BOC: variants seen among roughly 807,000 people sequenced by gnomAD.
BOC encodes the protein BOC cell adhesion associated, oncogene regulated.
BOC carries 76 observed loss-of-function variants against 112.0 expected under a neutral mutation model. The observed-to-expected ratio is 0.68, with a 90% CI of 0.56 to 0.82. The LOEUF (loss-of-function observed/expected upper bound fraction) is 0.82. BOC is among the 40% of genes least tolerant of loss of function. The pLI is 0.00. For missense variants in BOC, 1,309 were observed against 1,511.7 expected, an observed-to-expected ratio of 0.87 and a Z score of 2.22; for synonymous variants, 580 against 599.8, an observed-to-expected ratio of 0.97 and a Z score of 0.48.
At chr3:113,249,931 A>G (rs779613298) in intron 3 of BOC, 32 bp downstream of exon 3, 36 of 1,573,836 alleles carry the variant, frequency 2.3e-5, no homozygotes, top group Non-Finnish European at 3.1e-5. Flanking sequence ...CCCTGCCCTT[A>G]CAGTCAAATG....
In BOC at chr3:113,262,716, C is replaced by T. The variant is rs531030122; in HGVS notation, c.377-5583C>T. ...AGCAGAAAACTGCCATGGCGTTTCA[C>T]TTGCAGATCATTTTATTTCAGAGGA... is the stretch of plus-strand genomic sequence containing the variant. On this transcript the variant is annotated intron_variant, in intron 4 of 19. Coordinates refer to ENST00000682979, the MANE Select transcript of BOC (RefSeq NM_001378074.1). Among the ~76,000 whole-genome samples the T allele has an allele frequency of 6.6e-5, 10 of 152,338 alleles. No individual in the cohort carries two copies. In the East Asian group the frequency reaches 1.7e-3, roughly 26 times the overall value.
At position 113,274,399 on chromosome 3, in the gene BOC, A is replaced by C. The variant is rs1948452566; in HGVS notation, c.1259A>C (p.Asp420Ala). Residue 420 changes from aspartate to alanine, a missense_variant, in exon 9 of 20, where the codon GAT becomes GCT. Physicochemically the swap from Asp to Ala is moderately radical, Grantham distance 126 (BLOSUM62 -2). Transcript: ENST00000682979. This position sits in a 1 kb window ranked among gnomAD's most constrained non-coding sequence, Gnocchi z 4.8. ...GGCATAACCCCAAGGCTATGGCAGGATGCTGAGCTGGCTACTGGCACACCT... is the reference window on the plus strand; with the variant it reads ...GGCATAACCCCAAGGCTATGGCAGGCTGCTGAGCTGGCTACTGGCACACCT... ...RPSITPRLWQ[D>A]AELATGTPPV... 1 of 1,563,020 alleles carries C rather than the reference A, an allele frequency of 6.4e-7. No individual in the cohort carries two copies. Among genetic ancestry groups the C allele is most frequent in the Admixed American group, 1.7e-5 (1 of 57,730 alleles).
chr3:113,247,152 A>G (rs114495513), intron 2 of BOC, among the ~76,000 whole-genome samples: 1,998 of 150,458 alleles, frequency 0.013, 16 homozygotes, highest in Admixed American at 0.019. Context: ...CTGTCTCCCT[A>G]CCTCCCTTCT....
intron 5 of BOC, among the ~76,000 whole-genome samples, chr3:113,268,755 C>A (rs570312721): frequency 2.0e-5 from 3 of 152,214 alleles, no homozygotes; most frequent in African/African-American, 7.2e-5. Flanking sequence ...TACAGGCACA[C>A]GCCACCATGC....
chr3:113,231,047 G>T (rs1942531884), intron 2 of BOC, among the ~76,000 whole-genome samples: 1 of 152,192 alleles, frequency 6.6e-6, no homozygotes, highest in African/African-American at 2.4e-5. Context: ...TTGATTGCTG[G>T]AGATTAAGGA....
intron 4 of BOC, among the ~76,000 whole-genome samples, chr3:113,253,215 A>G (rs538140614): frequency 1.3e-5 from 2 of 152,266 alleles, no homozygotes; most frequent in South Asian, 2.1e-4. Flanking sequence ...TTGATGTTGT[A>G]TGATAAGCAT....
intron 2 of BOC, among the ~76,000 whole-genome samples, chr3:113,231,094 G>A (rs1047463757): frequency 6.6e-6 from 1 of 152,108 alleles, no homozygotes; most frequent in African/African-American, 2.4e-5. Context: ...GTGATAATGG[G>A]GCAAGGAACA....
At chr3:113,236,538 G>T (rs2107770002) in intron 2 of BOC, among the ~76,000 whole-genome samples, 1 of 151,690 alleles carries the variant, frequency 6.6e-6, no homozygotes, top group Non-Finnish European at 1.5e-5. Context: ...GGAAGAGGGT[G>T]AGGGATGAGA....
intron 1 of BOC, among the ~76,000 whole-genome samples, chr3:113,213,556 GC>G (rs1239261992): frequency 3.3e-5 from 5 of 152,174 alleles, no homozygotes; most frequent in Non-Finnish European, 7.4e-5. Context: ...GCTTGTGGGG[GC>G]TAGGATGCCC....
chr3:113,216,353 A>G, intron 2 of BOC, 79 bp downstream of exon 2: 1 of 441,466 alleles, frequency 2.3e-6, no homozygotes, highest in Admixed American at 2.5e-5. Flanking sequence ...GTTACCACTT[A>G]GAGATAGTTT....
chr3:113,253,217 G>A (rs1418949882), intron 4 of BOC, among the ~76,000 whole-genome samples: 1 of 152,062 alleles, frequency 6.6e-6, no homozygotes, highest in Non-Finnish European at 1.5e-5. Context: ...GATGTTGTAT[G>A]ATAAGCATTC....
chr3:113,279,776 A>C lies in BOC; in HGVS notation c.2024-48A>C, dbSNP rs146357178. ...GGCCTTGAAAGGCCATGGGAGAATC[A>C]GAAGGTATTTCCCAGCTCCTGAGTT... On this transcript the variant is annotated intron_variant, in intron 12 of 19. Transcript: ENST00000682979. The C allele has an allele frequency of 2.6e-4, 400 of 1,541,378 alleles. 2 individuals are homozygous for C. The African/African-American group carries it at 4.9e-3, about 19-fold the overall frequency.
At chr3:113,232,468 A>G (rs947639937) in intron 2 of BOC, among the ~76,000 whole-genome samples, 2 of 152,234 alleles carry the variant, frequency 1.3e-5, no homozygotes, top group African/African-American at 4.8e-5. Context: ...GTGGCAAAGA[A>G]AGTGAGTTTG....
chr3:113,283,332 G>A (rs1949363155), intron 15 of BOC, 79 bp from the exon 16 acceptor site: 1 of 1,388,340 alleles, frequency 7.2e-7, no homozygotes, highest in South Asian at 1.4e-5. Flanking sequence ...CCATGGAATG[G>A]GGGTATTTTT....
chr3:113,277,051 A>T (rs1007995246), intron 9 of BOC, among the ~76,000 whole-genome samples: 2 of 152,170 alleles, frequency 1.3e-5, no homozygotes, highest in African/African-American at 4.8e-5. Context: ...TTTTCCTTTA[A>T]AGAGCTAGGA....
intron 19 of BOC, 131 bp downstream of exon 19, chr3:113,285,696 G>A: frequency 1.1e-6 from 1 of 946,468 alleles, no homozygotes; most frequent in Non-Finnish European, 1.5e-6. Context: ...TTATGTGGGA[G>A]GGATGGGGCA....
At chr3:113,266,653 A>G (rs887440649) in intron 4 of BOC, among the ~76,000 whole-genome samples, 5 of 152,224 alleles carry the variant, frequency 3.3e-5, no homozygotes, top group Admixed American at 2.6e-4. Context: ...ATTCATTAAC[A>G]TTCATTCATT....
At chr3:113,222,191 G>T (rs931007983) in intron 2 of BOC, among the ~76,000 whole-genome samples, 25 of 152,102 alleles carry the variant, frequency 1.6e-4, no homozygotes, top group Admixed American at 1.3e-4. Flanking sequence ...TTCCCCTCTA[G>T]ACTGAAGATC....
intron 2 of BOC, among the ~76,000 whole-genome samples, chr3:113,225,386 T>G (rs1301087807): frequency 6.6e-6 from 1 of 152,164 alleles, no homozygotes; most frequent in African/African-American, 2.4e-5. Context: ...CAGAGTTCTG[T>G]ACAAAGGAGG....
Sources: gnomAD v4.1 joint callset for allele counts (sites outside exome capture counted in the v4.1 genomes callset) on GRCh38, gnomAD v4.1.1 for gene constraint, Gnocchi (gnomAD v3.1) non-coding constraint, MANE v1.5 for transcripts, NCBI Gene and HGNC (gene_info 2026-07-23, HGNC 2026-07-21) for gene names.